Variants in AKAP9 observed in about 807,000 individuals in gnomAD.
The protein encoded by AKAP9 is A-kinase anchor protein 9.
AKAP9 carries 311 observed loss-of-function variants against 488.5 expected under a neutral mutation model. The observed-to-expected ratio is 0.64, with a 90% CI of 0.58 to 0.70. The LOEUF is 0.70. AKAP9 is among the 30% of genes least tolerant of loss of function. The pLI is 0.00. For synonymous variants in AKAP9, 1,462 were observed against 1,483.5 expected (o/e 0.99, Z 0.33); for missense variants, 4,215 against 4,374.5 (o/e 0.96, Z 1.03).
intron 3 of AKAP9, among the ~76,000 whole-genome samples, chr7:91,983,657 T>A (rs1054653965): frequency 3.3e-5 from 5 of 152,208 alleles, no homozygotes; most frequent in Non-Finnish European, 7.3e-5. Context: ...ACAAAAATTA[T>A]CTGAACATGG....
chr7:91,950,252 CAG>C (rs1186376719), intron 1 of AKAP9, among the ~76,000 whole-genome samples: 1 of 126,836 alleles, frequency 7.9e-6, no homozygotes, highest in African/African-American at 3.0e-5. Flanking sequence ...TTTTTTGAGA[CAG>C]AGTCTTGCTC....
At position 92,052,874 on chromosome 7, in the gene AKAP9, T is replaced by C; in HGVS notation, c.5517T>C (p.Asn1839=). Residue 1839 remains asparagine (N), a synonymous_variant, in exon 22 of 50, where the codon AAT becomes AAC. Coordinates refer to ENST00000356239, the MANE Select transcript of AKAP9 (RefSeq NM_005751.5). ...CTGGAACTGAAATAGACCCTGAAAA[T>C]GAAGAACTTATGCTGAACATTAGCT... is the stretch of plus-strand genomic sequence containing the variant. ...GFAGTEIDPE[N]EELMLNISSR... 1 of 1,613,752 alleles carries C rather than the reference T, an allele frequency of 6.2e-7. No individual in the cohort carries two copies. Among genetic ancestry groups the C allele is most frequent in the Middle Eastern group, 1.7e-4 (1 of 6,058 alleles).
intron 1 of AKAP9, among the ~76,000 whole-genome samples, chr7:91,946,934 C>T (rs991815334): frequency 2.6e-5 from 4 of 152,060 alleles, no homozygotes; most frequent in Non-Finnish European, 4.4e-5. Flanking sequence ...TTATAGGCTA[C>T]TGAATATTGA....
rs760057726 is a variant in AKAP9, at chr7:92,079,788, C to G, written c.7655C>G (p.Ala2552Gly). The G allele has an allele frequency of 6.2e-7, 1 of 1,614,014 alleles. No individual in the cohort carries two copies. Among genetic ancestry groups the G allele is most frequent in the South Asian group, 1.1e-5 (1 of 91,080 alleles). The change falls in exon 31 of 50, where the codon GCT (alanine) becomes GGT (glycine). Residue 2552 changes from alanine to glycine, a missense_variant. Around this residue, in one of 5 missense-constraint regions of AKAP9, gnomAD observed 1,476 missense variants for 1,477.4 expected, o/e 1.00. Coordinates refer to ENST00000356239, the MANE Select transcript of AKAP9 (RefSeq NM_005751.5). ...NLQKIVEEKV[A>G]AALVSQIQLE... ...CAGAAAATAGTTGAAGAAAAAGTGG[C>G]TGCTGCTCTTGTCAGTCAAATCCAA...
At chr7:92,084,566 CCAG>C (rs1563115207) in intron 33 of AKAP9, 71 bp from the exon 34 acceptor site, 19 of 1,115,932 alleles carry the variant, frequency 1.7e-5, no homozygotes, top group Non-Finnish European at 2.3e-5. Context: ...GCACGGGAAA[CCAG>C]CAAAATAATT....
chr7:91,951,854 AAC>A (rs1792295450), intron 1 of AKAP9, among the ~76,000 whole-genome samples: 1 of 151,270 alleles, frequency 6.6e-6, no homozygotes, highest in Admixed American at 6.8e-5. Context: ...CAGCCTGGGC[AAC>A]AGAGTGAGAC....
At chr7:92,052,656 G>A in intron 21 of AKAP9, 70 bp from the exon 22 acceptor site, 1 of 1,105,818 alleles carries the variant, frequency 9.0e-7, no homozygotes, top group East Asian at 2.6e-5. Flanking sequence ...TTAGTTTGAT[G>A]TTGTTTTATA....
intron 3 of AKAP9, among the ~76,000 whole-genome samples, chr7:91,988,137 T>C (rs1208596164): frequency 1.3e-5 from 2 of 151,950 alleles, no homozygotes; most frequent in Non-Finnish European, 2.9e-5. Flanking sequence ...CACGGTAAGA[T>C]AGCTCATCAA....
chr7:91,990,970 C>G (rs900112282), intron 3 of AKAP9, among the ~76,000 whole-genome samples: 1 of 130,520 alleles, frequency 7.7e-6, no homozygotes, highest in African/African-American at 2.9e-5. Context: ...TGGATCATCC[C>G]TTTGAACATA....
chr7:92,077,939 T>C (rs754219578), intron 30 of AKAP9, 64 bp downstream of exon 30: 153 of 1,148,300 alleles, frequency 1.3e-4, no homozygotes, highest in Non-Finnish European at 1.7e-4. Flanking sequence ...GCAAAATGGT[T>C]ATAATGTTGC....
At chr7:92,088,366 G>A (rs1303304172) in intron 37 of AKAP9, among the ~76,000 whole-genome samples, 11 of 152,136 alleles carry the variant, frequency 7.2e-5, no homozygotes, top group Admixed American at 3.9e-4. Flanking sequence ...AGCAAGTACT[G>A]GAGAGGATGA....
chr7:92,022,686 CAG>C, intron 13 of AKAP9, 126 bp from the exon 14 acceptor site: 2 of 670,008 alleles, frequency 3.0e-6, no homozygotes, highest in South Asian at 2.0e-5. Flanking sequence ...AAATTGAAAC[CAG>C]AGTTATTACC....
In AKAP9 at chr7:92,061,357, G is replaced by A. The variant is rs756880227; in HGVS notation, c.5699G>A (p.Arg1900Gln). ...TESLKCQEEL[R>Q]ERLHEESRAR... ...TCCCTTAAGTGCCAAGAGGAACTTC[G>A]AGAGCGCCTTCATGAGGAGTCCAGG... The change falls in exon 23 of 50, where the codon CGA becomes CAA. Residue 1900 changes from arginine to glutamine, a missense_variant. Arg to Gln is a conservative substitution (Grantham distance 43, BLOSUM62 1). This residue lies in a region of AKAP9 where 2,361 missense variants were observed against 2,430.0 expected (regional missense o/e 0.97). Transcript: ENST00000356239. 12 of 1,612,938 alleles carry A rather than the reference G, an allele frequency of 7.4e-6. No homozygotes were observed. The highest frequency in any genetic ancestry group is 6.7e-5 in the African/African-American group (5 of 74,772).
chr7:92,108,977 CGCATG>C (rs1818951552), intron 49 of AKAP9: 3 of 407,112 alleles, frequency 7.4e-6, no homozygotes, highest in Non-Finnish European at 1.4e-5. Context: ...TCCTAAGTAG[CGCATG>C]GCAGAAAGTG....
At chr7:91,950,138 C>G (rs6946163) in intron 1 of AKAP9, among the ~76,000 whole-genome samples, 3 of 151,954 alleles carry the variant, frequency 2.0e-5, no homozygotes, top group African/African-American at 4.8e-5. Flanking sequence ...CCTATTAGTA[C>G]TGAACACACT....
intron 9 of AKAP9, 97 bp downstream of exon 9, chr7:92,012,739 G>A: frequency 1.0e-6 from 1 of 1,003,568 alleles, no homozygotes; most frequent in African/African-American, 1.6e-5. Context: ...AACCCACAGA[G>A]GAAGGTGATT....
chr7:92,042,522 G>T, intron 19 of AKAP9, 146 bp from the exon 20 acceptor site: 1 of 648,136 alleles, frequency 1.5e-6, no homozygotes, highest in East Asian at 2.8e-5. Flanking sequence ...CTCGAGTGTA[G>T]TTAAATATTA....
intron 14 of AKAP9, among the ~76,000 whole-genome samples, chr7:92,029,263 C>G (rs1324813221): frequency 6.6e-6 from 1 of 151,808 alleles, no homozygotes; most frequent in Non-Finnish European, 1.5e-5. Flanking sequence ...ACAAAAAAGT[C>G]CGAAAGTGAA....
At chr7:91,996,990 G>T (rs990089757) in intron 7 of AKAP9, among the ~76,000 whole-genome samples, 33 of 152,108 alleles carry the variant, frequency 2.2e-4, no homozygotes, top group Admixed American at 2.0e-3. Context: ...GCAAGATGAG[G>T]TAAATTGCTC....
Sources: gnomAD v4.1 joint callset for allele counts (sites outside exome capture counted in the v4.1 genomes callset) on GRCh38, gnomAD v4.1.1 for gene constraint, gnomAD v4.1.1 regional missense constraint, MANE v1.5 for transcripts, NCBI Gene and HGNC (gene_info 2026-07-23, HGNC 2026-07-21) for gene names.